MRPL48: variants seen among roughly 807,000 people sequenced by gnomAD.
The protein encoded by MRPL48 is large ribosomal subunit protein mL48.
Under a neutral mutation model 32.9 loss-of-function variants are expected in MRPL48, and 16 were observed. The observed-to-expected ratio is 0.49, with a 90% CI of 0.33 to 0.74. The LOEUF is 0.74. MRPL48 is among the 30% of genes least tolerant of loss of function. MRPL48 has a pLI of 0.02. For missense variants in MRPL48, 206 were observed against 245.3 expected (o/e 0.84, Z 1.07); for synonymous variants, 94 against 89.2 (o/e 1.05, Z -0.31).
intron 7 of MRPL48, 54 bp from the exon 8 acceptor site, chr11:73,864,242 G>T: frequency 6.5e-7 from 1 of 1,532,346 alleles, no homozygotes; most frequent in South Asian, 1.2e-5. Flanking sequence ...TGCATATCTG[G>T]GTAACTAAAA....
intron 5 of MRPL48, among the ~76,000 whole-genome samples, chr11:73,857,802 A>G (rs1948512484): frequency 1.3e-5 from 2 of 151,840 alleles, no homozygotes; most frequent in Admixed American, 1.3e-4. Flanking sequence ...CGTGTTGGTC[A>G]GGCTGGTCTT....
In MRPL48 at chr11:73,833,282, G is replaced by A. The variant is rs57929216; in HGVS notation, c.201+7486G>A. 8.1e-3 allele frequency among the ~76,000 whole-genome samples: 1,232 copies of A among 152,008 alleles called. 12 individuals are homozygous for A. Among genetic ancestry groups the A allele is most frequent in the African/African-American group, 0.028 (1,170 of 41,422 alleles). On this transcript the variant is annotated intron_variant, in intron 4 of 7. Coordinates refer to ENST00000310614, the MANE Select transcript of MRPL48 (RefSeq NM_016055.6). ...GAAAAGCTCCCCAGGGCTTTTCTAA[G>A]TACAGGGAGTGACTCACGTGAAGAC...
intron 4 of MRPL48, among the ~76,000 whole-genome samples, chr11:73,827,925 G>C (rs924373920): frequency 6.6e-6 from 1 of 152,150 alleles, no homozygotes; most frequent in East Asian, 1.9e-4. Flanking sequence ...TTCTAGGCTT[G>C]GTTCTGCCAC....
At chr11:73,799,405 T>C (rs1947315612) in intron 1 of MRPL48, among the ~76,000 whole-genome samples, 1 of 152,132 alleles carries the variant, frequency 6.6e-6, no homozygotes. Flanking sequence ...TGGAATAAAA[T>C]AAGAGCTGTC....
At chr11:73,808,837 C>T (rs1947510219) in intron 3 of MRPL48, among the ~76,000 whole-genome samples, 3 of 151,938 alleles carry the variant, frequency 2.0e-5, no homozygotes, top group African/African-American at 2.4e-5. Context: ...GCAGGAGAAT[C>T]GCTTGAGCTC....
In MRPL48 at chr11:73,844,985, G is replaced by C. The variant is rs770643105; in HGVS notation, c.371+9G>C. Reference sequence around the variant, plus strand: ...ATTAAAGTCGAGGAAAGGTATGAAGGATGCTTTTGTATGGGATGTTCTTGG... The same window carrying C: ...ATTAAAGTCGAGGAAAGGTATGAAGCATGCTTTTGTATGGGATGTTCTTGG... On this transcript the variant is annotated intron_variant, in intron 5 of 7. Transcript: ENST00000310614. 1 of 1,598,634 alleles carries C rather than the reference G, an allele frequency of 6.3e-7. No homozygotes were observed. The highest frequency in any genetic ancestry group is 1.1e-5 in the South Asian group (1 of 89,044).
intron 2 of MRPL48, among the ~76,000 whole-genome samples, chr11:73,805,841 T>G (rs1204766001): frequency 6.6e-6 from 1 of 151,836 alleles, no homozygotes; most frequent in Non-Finnish European, 1.5e-5. Context: ...GTATTTTTTG[T>G]GGAGACAGGG....
chr11:73,789,538 G>T (rs774732462), intron 1 of MRPL48: 2 of 152,176 alleles, frequency 1.3e-5, no homozygotes, highest in Non-Finnish European at 2.9e-5. Flanking sequence ...TTATAAGGAA[G>T]GTCATGGGAT....
At chr11:73,811,919 ACT>A (rs2134977950) in intron 3 of MRPL48, among the ~76,000 whole-genome samples, 1 of 152,040 alleles carries the variant, frequency 6.6e-6, no homozygotes, top group East Asian at 1.9e-4. Flanking sequence ...ATGGAGTCTC[ACT>A]CTGTTGCCCA....
intron 1 of MRPL48, among the ~76,000 whole-genome samples, chr11:73,800,453 A>G (rs1358608455): frequency 6.6e-6 from 1 of 152,058 alleles, no homozygotes; most frequent in Non-Finnish European, 1.5e-5. Flanking sequence ...GTCTTAAGCT[A>G]CTCACATGCT....
chr11:73,841,091 C>CA (rs1192640703), intron 4 of MRPL48, among the ~76,000 whole-genome samples: 2 of 152,090 alleles, frequency 1.3e-5, no homozygotes, highest in Non-Finnish European at 2.9e-5. Flanking sequence ...TTACCACTAC[C>CA]AAAATGGCTA....
chr11:73,840,110 A>AG (rs1172535908), intron 4 of MRPL48, among the ~76,000 whole-genome samples: 1 of 152,048 alleles, frequency 6.6e-6, no homozygotes, highest in Non-Finnish European at 1.5e-5. Context: ...AAAAAAAAAA[A>AG]AAACTCAGTT....
At chr11:73,803,150 C>T (rs1242463483) in intron 1 of MRPL48, among the ~76,000 whole-genome samples, 1 of 152,016 alleles carries the variant, frequency 6.6e-6, no homozygotes, top group Non-Finnish European at 1.5e-5. Context: ...TTTTTTGAGA[C>T]AGAGTCTTGC....
At chr11:73,850,577 G>C (rs752835461) in intron 5 of MRPL48, 4 of 352,886 alleles carry the variant, frequency 1.1e-5, no homozygotes, top group African/African-American at 2.2e-5. Context: ...TTTCAACTTT[G>C]TCTGTTCTTT....
chr11:73,797,144 C>T (rs1947269208), intron 1 of MRPL48, among the ~76,000 whole-genome samples: 2 of 152,172 alleles, frequency 1.3e-5, no homozygotes, highest in East Asian at 1.9e-4. Flanking sequence ...GAGCTATCCA[C>T]TCTAGAGACT....
chr11:73,844,984 G>A lies in MRPL48; in HGVS notation c.371+8G>A, dbSNP rs1480458558. The A allele has an allele frequency of 1.3e-6, 2 of 1,599,894 alleles. No homozygotes were observed. Among genetic ancestry groups the A allele is most frequent in the East Asian group, 4.5e-5 (2 of 44,546 alleles). ...CATTAAAGTCGAGGAAAGGTATGAA[G>A]GATGCTTTTGTATGGGATGTTCTTG... On this transcript the variant is annotated splice_region_variant and intron_variant, in intron 5 of 7. Coordinates refer to ENST00000310614, the MANE Select transcript of MRPL48 (RefSeq NM_016055.6).
At chr11:73,841,183 C>T (rs1948180730) in intron 4 of MRPL48, among the ~76,000 whole-genome samples, 1 of 152,190 alleles carries the variant, frequency 6.6e-6, no homozygotes, top group Non-Finnish European at 1.5e-5. Flanking sequence ...AACTCTCATA[C>T]ACTGCTGGTG....
chr11:73,805,547 C>T (rs183588512), intron 2 of MRPL48, among the ~76,000 whole-genome samples: 2 of 151,802 alleles, frequency 1.3e-5, no homozygotes, highest in East Asian at 1.9e-4. Flanking sequence ...CTGCCTGCCT[C>T]GGCCTCCCAA....
chr11:73,837,771 C>A (rs1421371964), intron 4 of MRPL48, among the ~76,000 whole-genome samples: 1 of 152,162 alleles, frequency 6.6e-6, no homozygotes, highest in Non-Finnish European at 1.5e-5. Context: ...TCCTTTCCTG[C>A]CTGGCTGGCC....
Sources: allele counts gnomAD v4.1 joint callset (sites outside exome capture counted in the v4.1 genomes callset), GRCh38; gene constraint gnomAD v4.1.1; transcripts MANE v1.5; gene names NCBI Gene and HGNC (gene_info 2026-07-23, HGNC 2026-07-21).